The following DDB1 variants were observed in gnomAD, a reference collection of about 807,000 sequenced individuals.
DDB1 encodes the protein damage specific DNA binding protein 1.
Under a neutral mutation model 133.1 loss-of-function variants are expected in DDB1, and 18 were observed. The observed-to-expected ratio is 0.14, with a 90% CI of 0.09 to 0.20. The LOEUF (loss-of-function observed/expected upper bound fraction) is 0.20, where lower values mean the gene tolerates loss of function less well. Among genes scored for constraint, DDB1 ranks in the 10% least tolerant of loss-of-function variants. The pLI, the probability that DDB1 is intolerant of heterozygous loss-of-function variation, is 1.00. For synonymous variants in DDB1, 580 were observed against 550.5 expected, an observed-to-expected ratio of 1.05 and a Z score of -0.75; for missense variants, 828 against 1,459.2, an observed-to-expected ratio of 0.57 and a Z score of 7.05.
At chr11:61,313,456 C>T in intron 16 of DDB1, 43 bp downstream of exon 16, 1 of 1,561,440 alleles carries the variant, frequency 6.4e-7, no homozygotes. Context: ...ATCATGACCC[C>T]CTCAATCAAT....
intron 4 of DDB1, 43 bp downstream of exon 4, chr11:61,329,320 C>T: frequency 1.3e-6 from 2 of 1,590,414 alleles, no homozygotes; most frequent in Non-Finnish European, 1.7e-6. Flanking sequence ...ACTCCTATCA[C>T]ATCAACCTCA....
chr11:61,320,326 G>A (rs922328284), intron 10 of DDB1, among the ~76,000 whole-genome samples: 1 of 150,878 alleles, frequency 6.6e-6, no homozygotes, highest in African/African-American at 2.4e-5. Context: ...TCAGCCTCCC[G>A]AGTAGCTGGG....
At chr11:61,314,274 G>C (rs780600244) in intron 13 of DDB1, 34 bp downstream of exon 13, 7 of 1,596,524 alleles carry the variant, frequency 4.4e-6, no homozygotes, top group Admixed American at 1.8e-5. Flanking sequence ...AGAGAAAAGA[G>C]GAGGAAAGCG....
intron 6 of DDB1, among the ~76,000 whole-genome samples, chr11:61,325,249 G>A (rs1317979251): frequency 1.3e-5 from 2 of 152,124 alleles, no homozygotes; most frequent in African/African-American, 4.8e-5. Flanking sequence ...GAGACAGGAG[G>A]ATCACTTGAG....
At chr11:61,319,134 A>T (rs942091342) in intron 10 of DDB1, among the ~76,000 whole-genome samples, 2 of 152,204 alleles carry the variant, frequency 1.3e-5, no homozygotes, top group South Asian at 4.1e-4. Flanking sequence ...TGAACCCAGG[A>T]TATTGAGGCT....
chr11:61,302,912 A>G, intron 23 of DDB1, 134 bp downstream of exon 23: 1 of 1,272,004 alleles, frequency 7.9e-7, no homozygotes, highest in Non-Finnish European at 1.1e-6. Flanking sequence ...GTCACCTTTT[A>G]TTCTCTGACG....
At chr11:61,328,795 A>G (rs1856314739) in intron 4 of DDB1, among the ~76,000 whole-genome samples, 1 of 152,108 alleles carries the variant, frequency 6.6e-6, no homozygotes, top group Non-Finnish European at 1.5e-5. Flanking sequence ...CGCTTGAACC[A>G]GGAGGCGGAG....
intron 12 of DDB1, chr11:61,314,771 T>C (rs374380498): frequency 2.3e-5 from 6 of 264,590 alleles, no homozygotes; most frequent in Non-Finnish European, 2.8e-5. Context: ...ACAAACTGCA[T>C]CCTGTGGGAA....
chr11:61,301,057 G>A lies in DDB1; in HGVS notation c.3216-125C>T, dbSNP rs545562111. The A allele has an allele frequency of 1.6e-3, 2,197 of 1,385,720 alleles. 6 individuals are homozygous for A. The highest frequency in any genetic ancestry group is 2.0e-3 in the Non-Finnish European group (2,062 of 1,026,706). 85.8% of individuals were successfully genotyped at this position (1,385,720 alleles called of 1,614,324 possible). A position where few individuals can be genotyped will look rare whatever the true frequency, so the allele number is the denominator to read the frequency against. On this transcript the variant is annotated intron_variant, in intron 25 of 26. Transcript: ENST00000301764. ...TAGAAAGGAAATGACACTTCCTTTC[G>A]CCTTGCTTTTATTTGGACATTTTTG...
At chr11:61,319,293 A>G (rs1856138581) in intron 10 of DDB1, among the ~76,000 whole-genome samples, 1 of 152,162 alleles carries the variant, frequency 6.6e-6, no homozygotes, top group Non-Finnish European at 1.5e-5. Context: ...GAATTTCCAC[A>G]TGTAATTATG....
intron 21 of DDB1, among the ~76,000 whole-genome samples, chr11:61,308,741 A>C (rs1412258560): frequency 1.3e-5 from 2 of 152,146 alleles, no homozygotes; most frequent in Non-Finnish European, 2.9e-5. Flanking sequence ...CATAGGTCTC[A>C]CTCGTTTCTC....
Position 61,313,716 on chromosome 11 carries a change from G to T in DDB1, c.1862-10C>A. 1.2e-6 allele frequency: 2 copies of T among 1,600,418 alleles called. No individual in the cohort carries two copies. The highest frequency in any genetic ancestry group is 3.5e-5 in the Admixed American group (2 of 56,798). On this transcript the variant is annotated splice_polypyrimidine_tract_variant and intron_variant, in intron 15 of 26. Coordinates refer to ENST00000301764, the MANE Select transcript of DDB1 (RefSeq NM_001923.5). ...CGGTCGCTCAACAGACCTACAGAGA[G>T]AATGACATCAGGAGAAAGGAAGAAA...
chr11:61,328,557 G>A (rs904440185), intron 4 of DDB1, among the ~76,000 whole-genome samples: 4 of 152,130 alleles, frequency 2.6e-5, no homozygotes, highest in African/African-American at 9.7e-5. Flanking sequence ...TACAGTTTTA[G>A]GCAGACTAAA....
intron 9 of DDB1, chr11:61,321,934 A>C: frequency 1.8e-6 from 1 of 555,318 alleles, no homozygotes; most frequent in Non-Finnish European, 3.2e-6. Context: ...AAGCTTGCTT[A>C]GATCGCTGGG....
intron 15 of DDB1, 26 bp from the exon 16 acceptor site, chr11:61,313,732 A>G (rs1005277372): frequency 3.2e-6 from 5 of 1,586,296 alleles, no homozygotes; most frequent in Non-Finnish European, 4.3e-6. Context: ...CATCAGGAGA[A>G]AGGAAGAAAG....
chr11:61,324,178 T>C (rs1261433678), intron 6 of DDB1, 41 bp from the exon 7 acceptor site: 1 of 1,612,026 alleles, frequency 6.2e-7, no homozygotes, highest in Non-Finnish European at 8.5e-7. Flanking sequence ...ATTCAGCATC[T>C]TCTACACCAG....
intron 23 of DDB1, 86 bp downstream of exon 23, chr11:61,302,960 C>A (rs1402860061): frequency 7.3e-7 from 1 of 1,376,690 alleles, no homozygotes; most frequent in Non-Finnish European, 1.0e-6. Context: ...GCACCTGAAC[C>A]TGACACAGAA....
Position 61,313,920 on chromosome 11 carries a change from G to A in DDB1, c.1803C>T (p.Tyr601=), listed in dbSNP as rs779574287. Residue 601 remains tyrosine, a synonymous_variant, in exon 15 of 27, where the codon TAC becomes TAT. Transcript: ENST00000301764. ...CTCCATCTCCCAAGGCACAAAGGAG[G>A]TAATGGCTACTCTCAAAGGTGGTCA... ...ILMTTFESSH[Y]LLCALGDGAL... 3.7e-6 allele frequency: 6 copies of A among 1,614,046 alleles called. No individual in the cohort carries two copies. Among genetic ancestry groups the A allele is most frequent in the South Asian group, 1.1e-5 (1 of 91,082 alleles).
chr11:61,324,277 G>T, intron 6 of DDB1, 140 bp from the exon 7 acceptor site: 2 of 860,132 alleles, frequency 2.3e-6, no homozygotes, highest in Non-Finnish European at 3.6e-6. Context: ...ATGAAAATGA[G>T]GATAGATCCT....
Sources: allele counts gnomAD v4.1 joint callset (sites outside exome capture counted in the v4.1 genomes callset), GRCh38; gene constraint gnomAD v4.1.1; transcripts MANE v1.5; gene names NCBI Gene and HGNC (gene_info 2026-07-23, HGNC 2026-07-21).